NECTIN1: variants seen among roughly 807,000 people sequenced by gnomAD.
NECTIN1 encodes nectin cell adhesion molecule 1.
Under a neutral mutation model 48.0 loss-of-function variants are expected in NECTIN1, and 23 were observed. The observed-to-expected ratio is 0.48, with a 90% CI of 0.34 to 0.68. NECTIN1 has a LOEUF of 0.68. NECTIN1 is among the 30% of genes least tolerant of loss of function. The probability of loss-of-function intolerance (pLI) is 0.01; values close to 1 mark genes in which losing one functional copy is unlikely to be tolerated. For missense variants in NECTIN1, 591 were observed against 709.9 expected (o/e 0.83, Z 1.90); for synonymous variants, 270 against 288.9 (o/e 0.93, Z 0.66).
In NECTIN1 at chr11:119,639,934, A is replaced by C. The variant is rs7940667; in HGVS notation, c.1082T>G (p.Val361Gly). Residue 361 changes from valine to glycine, a missense_variant, in exon 6 of 8, where the codon GTT (valine) becomes GGT (glycine). Val to Gly is a moderately radical substitution (Grantham distance 109). Transcript: ENST00000341398. The stretch of plus-strand genomic sequence containing the variant: ...CAGGAAGAAGACAGTGAGCACAGCA[A>C]CTAGGATGAGGAACACGGCCACGGT... The C allele has an allele frequency of 0.92, 1,485,543 of 1,614,052 alleles. 685,633 individuals carry two copies. Among genetic ancestry groups the C allele is most frequent in the South Asian group, 0.98 (89,155 of 91,084 alleles).
At position 119,664,401 on chromosome 11, in the gene NECTIN1, G is replaced by C; in HGVS notation, c.*346C>G. On this transcript the variant is annotated 3_prime_UTR_variant, in exon 6 of 6. Coordinates refer to ENST00000264025, the MANE Select transcript of NECTIN1 (RefSeq NM_002855.5). ...AATTCCAGTGTAGGGGGGCGGGGGA[G>C]GCTGGCTCCCCAAACCCTGGAGGGA... The C allele has an allele frequency of 9.1e-7, 1 of 1,093,004 alleles. No individual in the cohort carries two copies. The highest frequency in any genetic ancestry group is 1.1e-6 in the Non-Finnish European group (1 of 897,606). 67.7% of individuals were successfully genotyped at this position (1,093,004 alleles called of 1,614,324 possible).
At chr11:119,699,479 A>G (rs1423991816) in intron 1 of NECTIN1, among the ~76,000 whole-genome samples, 1 of 99,682 alleles carries the variant, frequency 1.0e-5, no homozygotes, top group Non-Finnish European at 2.0e-5. Flanking sequence ...AGTCCTGGAG[A>G]GCAGAGGCCC....
intron 5 of NECTIN1, chr11:119,642,464 G>T (rs970377117): frequency 6.5e-6 from 1 of 153,352 alleles, no homozygotes; most frequent in African/African-American, 2.4e-5. Context: ...GAAGAGACAG[G>T]TTCAGGACAA....
chr11:119,703,930 G>A (rs376686210), intron 1 of NECTIN1, among the ~76,000 whole-genome samples: 11 of 152,350 alleles, frequency 7.2e-5, no homozygotes, highest in South Asian at 2.1e-4. Context: ...CAGGAATGGC[G>A]CTCACAGGGA....
At chr11:119,638,394 C>A (rs1487781385) in intron 7 of NECTIN1, 1 of 1,118,626 alleles carries the variant, frequency 8.9e-7, no homozygotes, top group East Asian at 2.6e-5. Flanking sequence ...TCTTGGAGGG[C>A]ACAAGTGCAC....
chr11:119,728,345 T>C, intron 1 of NECTIN1, 130 bp downstream of exon 1: 1 of 873,474 alleles, frequency 1.1e-6, no homozygotes, highest in South Asian at 1.8e-5. Context: ...TCCCACCCCC[T>C]TTACCCAAGC....
chr11:119,711,251 G>A (rs568601609), intron 1 of NECTIN1, among the ~76,000 whole-genome samples: 7 of 151,988 alleles, frequency 4.6e-5, no homozygotes, highest in East Asian at 1.9e-4. Context: ...TTAGCCAGGC[G>A]TGGTGGTGGG....
chr11:119,639,158 G>A (rs1466269656), intron 6 of NECTIN1, among the ~76,000 whole-genome samples: 1 of 152,006 alleles, frequency 6.6e-6, no homozygotes, highest in Non-Finnish European at 1.5e-5. Context: ...TCAGGTGCAC[G>A]GTATGCGGCA....
rs1477982638 is a variant in NECTIN1, at chr11:119,728,521, T to G, written c.33A>C (p.Gly11=). The change falls in exon 1 of 6, where the codon GGA becomes GGC. Residue 11 remains glycine (G), a synonymous_variant. Coordinates refer to ENST00000264025, the MANE Select transcript of NECTIN1 (RefSeq NM_002855.5). Reference sequence around the variant, plus strand: ...AGCCGAGAGCGAGTCCCCACCAGCGTCCAGCGGCGCCCGCAAGCCCCATCC... The same window carrying G: ...AGCCGAGAGCGAGTCCCCACCAGCGGCCAGCGGCGCCCGCAAGCCCCATCC... The part of the protein sequence containing the change: MARMGLAGAA[G]RWWGLALGLT... 3 of 1,594,772 alleles carry G rather than the reference T, an allele frequency of 1.9e-6. No homozygotes were observed. Among genetic ancestry groups the G allele is most frequent in the Non-Finnish European group, 2.6e-6 (3 of 1,171,336 alleles).
downstream of NECTIN1, among the ~76,000 whole-genome samples, chr11:119,657,325 G>T (rs1420611998): frequency 6.6e-6 from 1 of 152,006 alleles, no homozygotes; most frequent in Non-Finnish European, 1.5e-5. Context: ...TTAAAAATAC[G>T]CCTGTTAGGG....
In NECTIN1 at chr11:119,664,783, G is replaced by T; in HGVS notation, c.1518C>A (p.Asp506Glu). The change falls in exon 6 of 6, where the codon GAC (aspartate) becomes GAA (glutamate). Residue 506 changes from aspartate (D) to glutamate (E), a missense_variant. By Grantham distance (45) the Asp-to-Glu change is conservative. Transcript: ENST00000264025. ...ACTCCTTCTTGGAAATGAAAGACCCGTCGTTCTGAGAAACCATGTTCTCAG... is the reference window on the plus strand; with the variant it reads ...ACTCCTTCTTGGAAATGAAAGACCCTTCGTTCTGAGAAACCATGTTCTCAG... Reference protein sequence around the residue: ...DLAENMVSQNDGSFISKKEWY... With the variant: ...DLAENMVSQNEGSFISKKEWY... 1 of 1,613,074 alleles carries T rather than the reference G, an allele frequency of 6.2e-7. No individual in the cohort carries two copies.
rs1445410799 is a variant in NECTIN1, at chr11:119,728,646, T to C, written c.-93A>G. On this transcript the variant is annotated 5_prime_UTR_variant, in exon 1 of 6. Transcript: ENST00000264025. The stretch of plus-strand genomic sequence containing the variant: ...GAAGATGAGGGAAGATCGCTGGCGG[T>C]CGGCGGGCGCTCGAAGGATCCAGGT... The C allele has an allele frequency of 2.9e-5, 14 of 475,170 alleles. No individual in the cohort carries two copies. 29.4% of individuals were successfully genotyped at this position (475,170 alleles called of 1,614,324 possible).
chr11:119,678,202 C>T lies in NECTIN1; in HGVS notation c.430+213G>A, dbSNP rs773262631. Among the ~76,000 whole-genome samples, 13 of 152,174 alleles carry T rather than the reference C, an allele frequency of 8.5e-5. No homozygotes were observed. The highest frequency in any genetic ancestry group is 2.7e-4 in the African/African-American group (11 of 41,450). Reference sequence around the variant, plus strand: ...TTGTGGGCTTCAACCTGAAGAATCACGTTCCCCACTGTCTAGAGATAAGCC... The same window carrying T: ...TTGTGGGCTTCAACCTGAAGAATCATGTTCCCCACTGTCTAGAGATAAGCC... On this transcript the variant is annotated intron_variant, in intron 2 of 5. Coordinates refer to ENST00000264025, the MANE Select transcript of NECTIN1 (RefSeq NM_002855.5). This position sits in a 1 kb window ranked among gnomAD's most constrained non-coding sequence, Gnocchi z 4.4.
intron 1 of NECTIN1, among the ~76,000 whole-genome samples, chr11:119,696,516 C>T (rs887077785): frequency 1.3e-5 from 2 of 152,166 alleles, no homozygotes; most frequent in Admixed American, 6.5e-5. Flanking sequence ...CCACTGAGAG[C>T]GGGCAGAGCC....
chr11:119,664,465 A>G lies in NECTIN1; in HGVS notation c.*282T>C. 7.8e-7 allele frequency: 1 copy of G among 1,277,174 alleles called. No individual in the cohort carries two copies. The highest frequency in any genetic ancestry group is 9.9e-7 in the Non-Finnish European group (1 of 1,008,384). 79.1% of individuals were successfully genotyped at this position (1,277,174 alleles called of 1,614,324 possible). A position where few individuals can be genotyped will look rare whatever the true frequency, so the allele number is the denominator to read the frequency against. On this transcript the variant is annotated 3_prime_UTR_variant, in exon 6 of 6. Transcript: ENST00000264025. ...AAGACGAGAACAGGGCTCCCTACAC[A>G]GAGGGCAGGCAGGTGGGGCCCGTAA...
At chr11:119,703,829 G>A (rs1865497283) in intron 1 of NECTIN1, among the ~76,000 whole-genome samples, 1 of 152,212 alleles carries the variant, frequency 6.6e-6, no homozygotes, top group South Asian at 2.1e-4. Flanking sequence ...GTAGCTTATT[G>A]CTAGAGTAAT....
At chr11:119,728,443 G>A in intron 1 of NECTIN1, 32 bp downstream of exon 1, 1 of 1,566,152 alleles carries the variant, frequency 6.4e-7, no homozygotes. Context: ...GCATTGGATG[G>A]GGGTGGGGAC....
In NECTIN1 at chr11:119,664,798, C is replaced by T. The variant is rs1423266236; in HGVS notation, c.1503G>A (p.Met501Ile). Residue 501 changes from methionine (M) to isoleucine (I), a missense_variant, in exon 6 of 6, where the codon ATG (methionine) becomes ATA (isoleucine). By Grantham distance (10) the Met-to-Ile change is conservative. Transcript: ENST00000264025. ...TGAAAGACCCGTCGTTCTGAGAAAC[C>T]ATGTTCTCAGCCAAGTCCAGCTGCT... The part of the protein sequence containing the change: ...DPEQLDLAEN[M>I]VSQNDGSFIS... 2 of 1,613,380 alleles carry T rather than the reference C, an allele frequency of 1.2e-6. No individual in the cohort carries two copies.
At chr11:119,710,868 G>A (rs1194011802) in intron 1 of NECTIN1, among the ~76,000 whole-genome samples, 1 of 152,110 alleles carries the variant, frequency 6.6e-6, no homozygotes, top group Non-Finnish European at 1.5e-5. Context: ...GCGCCCGCCT[G>A]TCAAACCACA....
Sources: allele counts gnomAD v4.1 joint callset (sites outside exome capture counted in the v4.1 genomes callset), GRCh38; gene constraint gnomAD v4.1.1; non-coding constraint Gnocchi (gnomAD v3.1); transcripts MANE v1.5; gene names NCBI Gene and HGNC (gene_info 2026-07-23, HGNC 2026-07-21).